ATP11A: variants seen among roughly 807,000 people sequenced by gnomAD.
ATP11A encodes ATPase phospholipid transporting 11A, also known as phospholipid-transporting ATPase IH.
A neutral mutation model predicts 154.4 loss-of-function variants in ATP11A; 81 were observed. The observed-to-expected ratio is 0.52, with a 90% CI of 0.44 to 0.63. ATP11A has a LOEUF of 0.63. Ranked by LOEUF, ATP11A falls within the 30% of genes least tolerant of loss-of-function variation. ATP11A has a pLI of 0.00. For synonymous variants in ATP11A, 623 were observed against 585.9 expected, an observed-to-expected ratio of 1.06 and a Z score of -0.91; for missense variants, 1,316 against 1,474.3, an observed-to-expected ratio of 0.89 and a Z score of 1.76.
intron 1 of ATP11A, among the ~76,000 whole-genome samples, chr13:112,781,344 C>G (rs568432304): frequency 1.8e-4 from 28 of 152,190 alleles, no homozygotes; most frequent in African/African-American, 6.5e-4. Context: ...CCGGCAGGGA[C>G]CCCGTTTTGT....
At chr13:112,735,598 G>C (rs570946914) in intron 1 of ATP11A, among the ~76,000 whole-genome samples, 2 of 152,198 alleles carry the variant, frequency 1.3e-5, no homozygotes, top group Non-Finnish European at 2.9e-5. Flanking sequence ...GAGTCAATCT[G>C]TTCATTTCCA....
intron 1 of ATP11A, among the ~76,000 whole-genome samples, chr13:112,695,359 C>G (rs1478022846): frequency 6.6e-6 from 1 of 152,240 alleles, no homozygotes; most frequent in African/African-American, 2.4e-5. Context: ...GCTCATCACA[C>G]GAATTCACCA....
intron 1 of ATP11A, among the ~76,000 whole-genome samples, chr13:112,781,728 A>G (rs1261088411): frequency 4.3e-5 from 6 of 138,574 alleles, no homozygotes; most frequent in East Asian, 2.2e-4. Flanking sequence ...TGCTCTGTCT[A>G]TGGAGTAGCT....
intron 1 of ATP11A, among the ~76,000 whole-genome samples, chr13:112,727,391 T>G (rs775074164): frequency 6.6e-6 from 1 of 152,200 alleles, no homozygotes; most frequent in African/African-American, 2.4e-5. Context: ...TTTTAGCAAG[T>G]TTACTATATT....
At chr13:112,810,793 A>T in intron 5 of ATP11A, 67 bp downstream of exon 5, 2 of 1,447,100 alleles carry the variant, frequency 1.4e-6, no homozygotes, top group East Asian at 2.3e-5. Flanking sequence ...AGTTTTACCC[A>T]GGTGCAGTGG....
chr13:112,691,035 T>G (rs1163963078), intron 1 of ATP11A, among the ~76,000 whole-genome samples: 1 of 152,216 alleles, frequency 6.6e-6, no homozygotes, highest in African/African-American at 2.4e-5. Flanking sequence ...GTCCGGGGTC[T>G]TCTTGGGTTC....
chr13:112,726,389 G>A (rs1449215097), intron 1 of ATP11A, among the ~76,000 whole-genome samples: 2 of 152,218 alleles, frequency 1.3e-5, no homozygotes, highest in South Asian at 2.1e-4. Flanking sequence ...CAGTCTGCAT[G>A]CAGGGAGAGG....
intron 1 of ATP11A, among the ~76,000 whole-genome samples, chr13:112,704,223 T>A (rs1243210883): frequency 6.6e-6 from 1 of 152,200 alleles, no homozygotes; most frequent in Non-Finnish European, 1.5e-5. Flanking sequence ...AGTGTCTTTT[T>A]AAATAATCAA....
chr13:112,698,326 G>A (rs1202378208), intron 1 of ATP11A, among the ~76,000 whole-genome samples: 1 of 152,180 alleles, frequency 6.6e-6, no homozygotes, highest in Admixed American at 6.5e-5. Context: ...CGGTCCCAAG[G>A]AGGACACAGG....
intron 7 of ATP11A, 46 bp downstream of exon 7, chr13:112,819,453 C>G: frequency 6.5e-7 from 1 of 1,547,264 alleles, no homozygotes; most frequent in Non-Finnish European, 8.9e-7. Context: ...TTTATGCCCT[C>G]AACATTGCTC....
chr13:112,745,009 G>A (rs954448070), intron 1 of ATP11A, among the ~76,000 whole-genome samples: 2 of 152,168 alleles, frequency 1.3e-5, no homozygotes, highest in African/African-American at 2.4e-5. Context: ...GGGGTAATTG[G>A]GCACTGGATA....
chr13:112,824,277 G>A (rs1594801914), intron 9 of ATP11A, 67 bp from the exon 10 acceptor site: 8 of 1,243,710 alleles, frequency 6.4e-6, no homozygotes, highest in Middle Eastern at 3.7e-4. Flanking sequence ...CCGCAGCTGT[G>A]TGTAACTCAC....
rs768642899 is a variant in ATP11A, at chr13:112,859,460, C to G, written c.2727+8C>G. 8.7e-6 allele frequency: 14 copies of G among 1,611,302 alleles called. No homozygotes were observed. Among genetic ancestry groups the G allele is most frequent in the Non-Finnish European group, 1.2e-5 (14 of 1,177,576 alleles). ...TGTGGGTTTTCACAACAGGTCAGTC[C>G]TAGGGTCTTCAGGGACAGGCTGTCT... On this transcript the variant is annotated splice_region_variant and intron_variant, in intron 23 of 29. Transcript: ENST00000375645. The surrounding 1 kb of genome is among the most constrained non-coding windows in gnomAD (Gnocchi z 4.3).
rs75885711 is a variant in ATP11A, at chr13:112,861,677, C to T, written c.2856-763C>T. Among the ~76,000 whole-genome samples the T allele has an allele frequency of 7.7e-3, 1,172 of 152,314 alleles. 9 individuals are homozygous for T. Among genetic ancestry groups the T allele is most frequent in the African/African-American group, 0.022 (922 of 41,552 alleles). ...ATTTAGCCATTCTGTGGGATCTTGACGGCTTGGATCCAAAAGTAATCACTG... is the reference window on the plus strand; with the variant it reads ...ATTTAGCCATTCTGTGGGATCTTGATGGCTTGGATCCAAAAGTAATCACTG... On this transcript the variant is annotated intron_variant, in intron 24 of 29. Transcript: ENST00000375645.
In ATP11A at chr13:112,838,241, C is replaced by CACTCGG. The variant is rs796640247; in HGVS notation, c.1705+1992_1705+1997dup. Among the ~76,000 whole-genome samples, 152 of 152,328 alleles carry CACTCGG rather than the reference C, an allele frequency of 1.0e-3. 1 individual carries two copies. Among genetic ancestry groups the CACTCGG allele is most frequent in the African/African-American group, 3.2e-3 (134 of 41,570 alleles). On this transcript the variant is annotated intron_variant, in intron 16 of 29. Transcript: ENST00000375645. The surrounding 1 kb of genome is among the most constrained non-coding windows in gnomAD (Gnocchi z 7.3). ...GAGGCGCAGTCCTGAGAGTCTCAGC[C>CACTCGG]ACTCGGAGTTATCTGGGATAAACGC...
chr13:112,865,751 G>A (rs537411998), intron 25 of ATP11A, among the ~76,000 whole-genome samples: 4 of 152,292 alleles, frequency 2.6e-5, no homozygotes, highest in South Asian at 4.1e-4. Flanking sequence ...GGGTTTTACC[G>A]TGTTAGCCAG....
intron 1 of ATP11A, among the ~76,000 whole-genome samples, chr13:112,756,243 C>T (rs562004554): frequency 1.8e-4 from 27 of 152,342 alleles, no homozygotes; most frequent in East Asian, 7.7e-4. Flanking sequence ...CAGGCAGGGT[C>T]TACGATTCTG....
At chr13:112,788,527 C>G (rs181156682) in intron 2 of ATP11A, among the ~76,000 whole-genome samples, 41 of 151,298 alleles carry the variant, frequency 2.7e-4, no homozygotes, top group African/African-American at 8.3e-4. Context: ...TTAATTCACA[C>G]CGGTGTCCTG....
intron 1 of ATP11A, among the ~76,000 whole-genome samples, chr13:112,747,859 G>A (rs549039225): frequency 2.0e-5 from 3 of 151,756 alleles, no homozygotes; most frequent in South Asian, 4.2e-4. Context: ...AAAACAAAAC[G>A]AAGGAACACA....
Sources: gnomAD v4.1 joint callset for allele counts (sites outside exome capture counted in the v4.1 genomes callset) on GRCh38, gnomAD v4.1.1 for gene constraint, Gnocchi (gnomAD v3.1) non-coding constraint, MANE v1.5 for transcripts, NCBI Gene and HGNC (gene_info 2026-07-23, HGNC 2026-07-21) for gene names.